The following KAZN variants were observed in gnomAD, a reference collection of about 807,000 sequenced individuals.
The protein encoded by KAZN is kazrin.
KAZN carries 40 observed loss-of-function variants against 87.4 expected under a neutral mutation model. The ratio of observed to expected loss-of-function variants is 0.46; its 90% CI spans 0.36 to 0.60. KAZN has a LOEUF of 0.60. KAZN is among the 20% of genes least tolerant of loss of function. The probability of loss-of-function intolerance (pLI) is 0.00; values close to 1 mark genes in which losing one functional copy is unlikely to be tolerated. For synonymous variants in KAZN, 466 were observed against 458.3 expected, an observed-to-expected ratio of 1.02 and a Z score of -0.22; for missense variants, 898 against 1,073.9, an observed-to-expected ratio of 0.84 and a Z score of 2.29.
At chr1:14,271,607 GTCTC>G (rs1468929147) in intron 2 of KAZN, among the ~76,000 whole-genome samples, 1 of 152,000 alleles carries the variant, frequency 6.6e-6, no homozygotes, top group Non-Finnish European at 1.5e-5. Flanking sequence ...CTCTCTCTCT[GTCTC>G]TCTCATCTTT....
At chr1:14,020,470 T>C (rs1640772658) in intron 1 of KAZN, among the ~76,000 whole-genome samples, 1 of 152,210 alleles carries the variant, frequency 6.6e-6, no homozygotes, top group Non-Finnish European at 1.5e-5. Context: ...TTGTACAGGA[T>C]GAACAAAAAG....
At chr1:14,886,797 A>T (rs1654117322) in intron 1 of KAZN, among the ~76,000 whole-genome samples, 1 of 152,242 alleles carries the variant, frequency 6.6e-6, no homozygotes. Context: ...ATCTCAAAAA[A>T]ATAAAAATAA....
chr1:15,011,148 G>A (rs1300610158), intron 2 of KAZN, among the ~76,000 whole-genome samples: 1 of 152,236 alleles, frequency 6.6e-6, no homozygotes, highest in East Asian at 1.9e-4. Context: ...TTTGGAGGCA[G>A]ATCGGAGTTT....
intron 1 of KAZN, among the ~76,000 whole-genome samples, chr1:14,076,229 C>G (rs1218502382): frequency 6.6e-6 from 1 of 151,832 alleles, no homozygotes; most frequent in South Asian, 2.1e-4. Flanking sequence ...TGCGGTGAGC[C>G]GAGATCACGT....
intron 1 of KAZN, among the ~76,000 whole-genome samples, chr1:14,825,163 A>C (rs950754594): frequency 6.6e-6 from 1 of 152,238 alleles, no homozygotes; most frequent in Non-Finnish European, 1.5e-5. Flanking sequence ...AGTCATGTCC[A>C]TTCAAAGGCC....
intron 1 of KAZN, among the ~76,000 whole-genome samples, chr1:14,921,580 A>G (rs1215468272): frequency 1.3e-5 from 2 of 152,236 alleles, no homozygotes; most frequent in Non-Finnish European, 2.9e-5. Flanking sequence ...AGCCTCCTCT[A>G]CAGGGGCCGG....
intron 1 of KAZN, among the ~76,000 whole-genome samples, chr1:14,616,655 A>G (rs1678267836): frequency 6.6e-6 from 1 of 152,114 alleles, no homozygotes; most frequent in Non-Finnish European, 1.5e-5. Flanking sequence ...ACCTCTTGGC[A>G]TTTCTGAGAT....
At chr1:14,279,453 A>G (rs75914458) in intron 2 of KAZN, among the ~76,000 whole-genome samples, 1,883 of 152,310 alleles carry the variant, frequency 0.012, 23 homozygotes, top group South Asian at 0.018. Flanking sequence ...AACAATAGAG[A>G]TGCCAGGAGA....
At chr1:14,587,318 C>A (rs903002779) in intron 2 of KAZN, among the ~76,000 whole-genome samples, 5 of 151,868 alleles carry the variant, frequency 3.3e-5, no homozygotes, top group African/African-American at 1.2e-4. Flanking sequence ...CACCTGTAAT[C>A]CCAGCTACTC....
At chr1:14,235,610 T>C (rs1448079307) in intron 2 of KAZN, among the ~76,000 whole-genome samples, 2 of 152,200 alleles carry the variant, frequency 1.3e-5, no homozygotes, top group Non-Finnish European at 2.9e-5. Flanking sequence ...TTGTGGTACG[T>C]GAATTATATC....
At chr1:14,768,258 T>C (rs1337776161) in intron 1 of KAZN, among the ~76,000 whole-genome samples, 1 of 152,174 alleles carries the variant, frequency 6.6e-6, no homozygotes, top group Non-Finnish European at 1.5e-5. Context: ...CTATAGTTAT[T>C]TGTTATAAAT....
chr1:14,896,149 G>A (rs142624902), intron 1 of KAZN, among the ~76,000 whole-genome samples: 1,548 of 150,692 alleles, frequency 0.01, 31 homozygotes, highest in African/African-American at 0.035. Context: ...CTGCTTCCCG[G>A]GTTCAAGCGA....
chr1:14,343,364 A>C (rs1657882735), intron 2 of KAZN, among the ~76,000 whole-genome samples: 1 of 152,182 alleles, frequency 6.6e-6, no homozygotes, highest in Non-Finnish European at 1.5e-5. Context: ...ATTTAGGAAA[A>C]TTGGCACAAA....
intron 1 of KAZN, among the ~76,000 whole-genome samples, chr1:14,690,989 T>G (rs1641255962): frequency 6.6e-6 from 1 of 152,238 alleles, no homozygotes; most frequent in Non-Finnish European, 1.5e-5. Flanking sequence ...TCATACCTAA[T>G]GTTGAATTTA....
rs142841869 is a variant in KAZN, at chr1:14,976,583, C to T, written c.418+15708C>T. Among the ~76,000 whole-genome samples, 1,086 of 152,320 alleles carry T rather than the reference C, an allele frequency of 7.1e-3. 2 individuals are homozygous for T. The highest frequency in any genetic ancestry group is 0.02 in the Middle Eastern group (6 of 294). ...TGGGTTCCAGCAGAAATGCGTGAGCCGGATGAGCCCACGCTGCCCAGCCCC... is the reference window on the plus strand; with the variant it reads ...TGGGTTCCAGCAGAAATGCGTGAGCTGGATGAGCCCACGCTGCCCAGCCCC... On this transcript the variant is annotated intron_variant, in intron 2 of 14. Transcript: ENST00000376030.
At chr1:13,917,285 G>T (rs1385978146) in intron 1 of KAZN, among the ~76,000 whole-genome samples, 1 of 152,182 alleles carries the variant, frequency 6.6e-6, no homozygotes, top group Admixed American at 6.5e-5. Flanking sequence ...TGATGAAGGT[G>T]GCTACCCTAC....
chr1:14,220,667 T>C (rs1647076652), intron 2 of KAZN, among the ~76,000 whole-genome samples: 1 of 152,100 alleles, frequency 6.6e-6, no homozygotes, highest in African/African-American at 2.4e-5. Flanking sequence ...ACTGCTAGCT[T>C]AGGTTATGAA....
At chr1:14,591,517 A>G (rs1429085902) in intron 2 of KAZN, among the ~76,000 whole-genome samples, 2 of 152,144 alleles carry the variant, frequency 1.3e-5, no homozygotes, top group South Asian at 2.1e-4. Flanking sequence ...GACTTTAAGT[A>G]TATATGCTTA....
At chr1:13,963,281 G>A (rs1382945353) in intron 1 of KAZN, among the ~76,000 whole-genome samples, 1 of 152,244 alleles carries the variant, frequency 6.6e-6, no homozygotes, top group African/African-American at 2.4e-5. Context: ...GTGGAAGTGA[G>A]CAAGGGAGGC....
Sources: allele counts gnomAD v4.1 joint callset (sites outside exome capture counted in the v4.1 genomes callset), GRCh38; gene constraint gnomAD v4.1.1; transcripts MANE v1.5; gene names NCBI Gene and HGNC (gene_info 2026-07-23, HGNC 2026-07-21).